ADGRL1: variants seen among roughly 807,000 people sequenced by gnomAD.
The protein encoded by ADGRL1 is CIRL-1.
ADGRL1 carries 31 observed loss-of-function variants against 148.9 expected under a neutral mutation model. The ratio of observed to expected loss-of-function variants is 0.21; its 90% CI spans 0.16 to 0.28. The LOEUF is 0.28. ADGRL1 is among the 10% of genes least tolerant of loss of function. The pLI, the probability that ADGRL1 is intolerant of heterozygous loss-of-function variation, is 1.00. For synonymous variants in ADGRL1, 937 were observed against 900.3 expected, an observed-to-expected ratio of 1.04 and a Z score of -0.73; for missense variants, 1,521 against 2,058.8, an observed-to-expected ratio of 0.74 and a Z score of 5.05.
Position 14,151,484 on chromosome 19 carries a change from G to A in ADGRL1, c.3799C>T (p.Arg1267Trp), listed in dbSNP as rs767815035. ...GDGGPEPPRG[R>W]NLADAAAFEK... ...AAGGCCGCCGCATCGGCTAGGTTCC[G>A]GCCTCGGGGCGGCTCAGGGCCCCCA... Residue 1267 changes from arginine (R) to tryptophan (W), a missense_variant, in exon 23 of 23, where the codon CGG (arginine) becomes TGG (tryptophan). By Grantham distance (101) the Arg-to-Trp change is moderately radical. Transcript: ENST00000361434. The A allele has an allele frequency of 1.2e-5, 19 of 1,611,808 alleles. No individual in the cohort carries two copies. The highest frequency in any genetic ancestry group is 1.2e-4 in the Admixed American group (7 of 59,670).
Position 14,156,964 on chromosome 19 carries a change from G to A in ADGRL1, c.2927C>T (p.Ala976Val), listed in dbSNP as rs1258818068. 3 of 1,613,170 alleles carry A rather than the reference G, an allele frequency of 1.9e-6. No homozygotes were observed. Among genetic ancestry groups the A allele is most frequent in the Non-Finnish European group, 2.5e-6 (3 of 1,179,890 alleles). The change falls in exon 15 of 23, where the codon GCG becomes GTG. Residue 976 changes from alanine (A) to valine (V), a missense_variant. Coordinates refer to ENST00000361434, the MANE Select transcript of ADGRL1 (RefSeq NM_014921.5). ...GTAGCTGCGGTAGTCAATGGCAGCC[G>A]CGATGCCCACCACCAGGGCCGGGAA... ...YCFPALVVGI[A>V]AAIDYRSYGT... is the part of the protein sequence containing the mutation.
intron 4 of ADGRL1, chr19:14,164,850 C>T (rs1403830611): frequency 1.3e-5 from 2 of 152,672 alleles, no homozygotes. Flanking sequence ...CACCTCCTCC[C>T]AGAGTGCGCC....
rs1259940369 is a variant in ADGRL1, at chr19:14,156,681, C to T, written c.3010G>A (p.Gly1004Arg). 1 of 1,611,458 alleles carries T rather than the reference C, an allele frequency of 6.2e-7. No homozygotes were observed. The highest frequency in any genetic ancestry group is 8.5e-7 in the Non-Finnish European group (1 of 1,178,992). Residue 1004 changes from glycine (G) to arginine (R), a missense_variant, in exon 16 of 23, where the codon GGG (glycine) becomes AGG (arginine). This residue lies in a region of ADGRL1 where 185 missense variants were observed against 251.7 expected (regional missense o/e 0.74). Transcript: ENST00000361434. ...ACCACGATAACGAAGGAGACTGGCCCGATGAAACTCCAGATGAAGTAATTG... is the reference window on the plus strand; with the variant it reads ...ACCACGATAACGAAGGAGACTGGCCTGATGAAACTCCAGATGAAGTAATTG... ...VDNYFIWSFI[G>R]PVSFVIVVNL...
intron 4 of ADGRL1, chr19:14,166,897 A>C (rs1970025354): frequency 9.4e-7 from 1 of 1,064,698 alleles, no homozygotes. Context: ...GGGGATACCG[A>C]CCGGACCAAG....
At chr19:14,180,745 G>C (rs557281269) in intron 2 of ADGRL1, among the ~76,000 whole-genome samples, 2 of 152,064 alleles carry the variant, frequency 1.3e-5, no homozygotes, top group East Asian at 3.9e-4. Flanking sequence ...AGTGATGGGG[G>C]TACTTGCTAT....
At chr19:14,170,978 A>T (rs1281433397) in intron 3 of ADGRL1, 187 bp from the exon 4 acceptor site, 2 of 554,742 alleles carry the variant, frequency 3.6e-6, no homozygotes, top group African/African-American at 3.8e-5. Context: ...TGTGATCTCC[A>T]GTGTTGGAGG....
intron 2 of ADGRL1, among the ~76,000 whole-genome samples, chr19:14,182,460 G>C (rs1029618613): frequency 1.3e-5 from 2 of 152,282 alleles, no homozygotes; most frequent in Admixed American, 1.3e-4. Flanking sequence ...ACGAGGTTTC[G>C]GGAGGGCACT....
Position 14,159,008 on chromosome 19 carries a change from A to G in ADGRL1, c.2149+82T>C. 6.4e-7 allele frequency: 1 copy of G among 1,556,366 alleles called. No homozygotes were observed. The highest frequency in any genetic ancestry group is 1.7e-5 in the Admixed American group (1 of 57,862). Reference sequence around the variant, plus strand: ...AAGGTCAGCACCGCTGCCCTCTACAAATGGCACAGAGACGCTGGCACAGAG... The same window carrying G: ...AAGGTCAGCACCGCTGCCCTCTACAGATGGCACAGAGACGCTGGCACAGAG... On this transcript the variant is annotated intron_variant, in intron 11 of 22. Transcript: ENST00000361434. This position sits in a 1 kb window ranked among gnomAD's most constrained non-coding sequence, Gnocchi z 6.0.
At chr19:14,203,496 G>C (rs1233309492) in intron 1 of ADGRL1, among the ~76,000 whole-genome samples, 1 of 152,150 alleles carries the variant, frequency 6.6e-6, no homozygotes, top group Non-Finnish European at 1.5e-5. Context: ...GACGCCCCGA[G>C]ATGCAAGCGT....
chr19:14,184,634 A>ATT (rs1166987303), intron 1 of ADGRL1, among the ~76,000 whole-genome samples: 15 of 119,070 alleles, frequency 1.3e-4, no homozygotes, highest in South Asian at 9.8e-4. Flanking sequence ...TTATTTATTT[A>ATT]TTTATTTATT....
chr19:14,177,652 C>T lies in ADGRL1; in HGVS notation c.163G>A (p.Val55Ile), dbSNP rs1460816826. 6.2e-6 allele frequency: 10 copies of T among 1,614,106 alleles called. No individual in the cohort carries two copies. Among genetic ancestry groups the T allele is most frequent in the Non-Finnish European group, 8.5e-6 (10 of 1,180,058 alleles). ...TAGTTGGCATTCTCCACCATGATGA[C>T]GTCGCTGCCGGGGCACCGCAGCTCG... ...PIELRCPGSD[V>I]IMVENANYGR... Residue 55 changes from valine (V) to isoleucine (I), a missense_variant, in exon 3 of 23, where the codon GTC becomes ATC. Val to Ile is a conservative substitution (Grantham distance 29). Transcript: ENST00000361434.
chr19:14,177,761 G>C lies in ADGRL1; in HGVS notation c.71-17C>G. 1 of 1,603,204 alleles carries C rather than the reference G, an allele frequency of 6.2e-7. No homozygotes were observed. The highest frequency in any genetic ancestry group is 8.5e-7 in the Non-Finnish European group (1 of 1,175,974). ...GGCTCAGGCCTGCAGGGAGGGTTGG[G>C]GATGGTGTCACTCCTGGGCCTGGGC... is the stretch of plus-strand genomic sequence containing the variant. On this transcript the variant is annotated splice_polypyrimidine_tract_variant and intron_variant, in intron 2 of 22. Coordinates refer to ENST00000361434, the MANE Select transcript of ADGRL1 (RefSeq NM_014921.5).
chr19:14,202,255 G>T (rs539238128), intron 1 of ADGRL1, among the ~76,000 whole-genome samples: 8 of 145,450 alleles, frequency 5.5e-5, no homozygotes, highest in Non-Finnish European at 7.6e-5. Flanking sequence ...TTTGTTTTGG[G>T]TTTTTTTTTT....
Position 14,173,415 on chromosome 19 carries a change from A to C in ADGRL1, c.285-2624T>G, listed in dbSNP as rs1014950256. 2.2e-4 allele frequency among the ~76,000 whole-genome samples: 33 copies of C among 151,906 alleles called. No individual in the cohort carries two copies. In the Admixed American group the frequency reaches 2.2e-3, roughly 10 times the overall value. On this transcript the variant is annotated intron_variant, in intron 3 of 22. Coordinates refer to ENST00000361434, the MANE Select transcript of ADGRL1 (RefSeq NM_014921.5). ...CTAGCTGTGCCTAATTTGTAAATTA[A>C]ACTTTATTATAATTAGAGCTGTATA...
intron 1 of ADGRL1, among the ~76,000 whole-genome samples, chr19:14,195,877 G>T (rs896773625): frequency 6.6e-6 from 1 of 152,144 alleles, no homozygotes; most frequent in Non-Finnish European, 1.5e-5. Flanking sequence ...GGTTCTCACA[G>T]CATCTCCAGT....
chr19:14,181,303 G>A (rs1313963820), intron 2 of ADGRL1, among the ~76,000 whole-genome samples: 2 of 152,266 alleles, frequency 1.3e-5, no homozygotes, highest in Non-Finnish European at 1.5e-5. Context: ...CAGGGCAGAT[G>A]TGAAGTCTGG....
chr19:14,150,136 T>G lies in ADGRL1; in HGVS notation c.*737A>C, dbSNP rs1210010501. Reference sequence around the variant, plus strand: ...AACTGCCCAAATATGGCCACCCCTGTGGGCTGGGGGCCCTGCGGGGAGTTG... The same window carrying G: ...AACTGCCCAAATATGGCCACCCCTGGGGGCTGGGGGCCCTGCGGGGAGTTG... On this transcript the variant is annotated 3_prime_UTR_variant, in exon 23 of 23. Transcript: ENST00000361434. 6.6e-6 allele frequency: 1 copy of G among 152,334 alleles called. No homozygotes were observed. Among genetic ancestry groups the G allele is most frequent in the Non-Finnish European group, 1.5e-5 (1 of 67,960 alleles). 9.4% of individuals were successfully genotyped at this position (152,334 alleles called of 1,614,324 possible).
chr19:14,175,546 A>G (rs1295648706), intron 3 of ADGRL1, among the ~76,000 whole-genome samples: 1 of 148,986 alleles, frequency 6.7e-6, no homozygotes, highest in African/African-American at 2.6e-5. Context: ...TCACCCACAA[A>G]CACCCACATT....
intron 1 of ADGRL1, among the ~76,000 whole-genome samples, chr19:14,203,001 C>A (rs998366364): frequency 1.8e-4 from 28 of 152,138 alleles, no homozygotes; most frequent in Admixed American, 6.5e-5. Context: ...ACACCGGGAC[C>A]CCCTCCATGT....
Sources: gnomAD v4.1 joint callset for allele counts (sites outside exome capture counted in the v4.1 genomes callset) on GRCh38, gnomAD v4.1.1 for gene constraint, gnomAD v4.1.1 regional missense constraint, Gnocchi (gnomAD v3.1) non-coding constraint, MANE v1.5 for transcripts, NCBI Gene and HGNC (gene_info 2026-07-23, HGNC 2026-07-21) for gene names.